The following TRIP13 variants were observed in gnomAD, a reference collection of about 807,000 sequenced individuals.
TRIP13 encodes pachytene checkpoint protein 2 homolog.
Under a neutral mutation model 54.4 loss-of-function variants are expected in TRIP13, and 25 were observed. That is an observed-to-expected ratio of 0.46 (90% confidence interval 0.33 to 0.64). The LOEUF (loss-of-function observed/expected upper bound fraction) is 0.64. TRIP13 is among the 30% of genes least tolerant of loss of function. The pLI is 0.02. For missense variants in TRIP13, 373 were observed against 534.2 expected (o/e 0.70, Z 2.97); for synonymous variants, 207 against 207.8 (o/e 1.00, Z 0.03).
rs1754142057 is a variant in TRIP13, at chr5:907,604, A to AG, written c.673-382dup. ...ATCCGCACATCCCTCTGGTGAGGTG[A>AG]GGTGGGACCAGGCACGCTGGGCACA... is the stretch of plus-strand genomic sequence containing the variant. On this transcript the variant is annotated intron_variant, in intron 7 of 12. Coordinates refer to ENST00000166345, the MANE Select transcript of TRIP13 (RefSeq NM_004237.4). The surrounding 1 kb of genome is among the most constrained non-coding windows in gnomAD (Gnocchi z 4.1). 6.6e-6 allele frequency among the ~76,000 whole-genome samples: 1 copy of AG among 152,186 alleles called. No individual in the cohort carries two copies. The highest frequency in any genetic ancestry group is 1.5e-5 in the Non-Finnish European group (1 of 68,034).
In TRIP13 at chr5:912,670, G is replaced by A. The variant is rs985775404; in HGVS notation, c.1020+674G>A. 5.9e-5 allele frequency among the ~76,000 whole-genome samples: 9 copies of A among 151,910 alleles called. No homozygotes were observed. Among genetic ancestry groups the A allele is most frequent in the East Asian group, 1.9e-4 (1 of 5,148 alleles). On this transcript the variant is annotated intron_variant, in intron 10 of 12. Transcript: ENST00000166345. This position sits in a 1 kb window ranked among gnomAD's most constrained non-coding sequence, Gnocchi z 7.2. ...GCGGTGAGTGTGAGTCAGTAAGGCC[G>A]TCGCCATGGGCACAGTGACGCGTGT...
chr5:896,542 G>T lies in TRIP13; in HGVS notation c.259-123G>T, dbSNP rs7730877. On this transcript the variant is annotated intron_variant, in intron 2 of 12. Transcript: ENST00000166345. Reference sequence around the variant, plus strand: ...ATAATAGCCTTCTCATCTAATCTGAGAACTAGCTTTGATTATACTGTACAT... The same window carrying T: ...ATAATAGCCTTCTCATCTAATCTGATAACTAGCTTTGATTATACTGTACAT... 13,445 of 1,045,102 alleles carry T rather than the reference G, an allele frequency of 0.013. 898 individuals carry two copies. The African/African-American group carries it at 0.16, about 13-fold the overall frequency. 64.7% of individuals were successfully genotyped at this position (1,045,102 alleles called of 1,614,324 possible).
At position 915,887 on chromosome 5, in the gene TRIP13, G is replaced by A. The variant is rs376078857; in HGVS notation, c.1134-17G>A. 3.1e-6 allele frequency: 5 copies of A among 1,613,844 alleles called. No individual in the cohort carries two copies. In the African/African-American group the frequency reaches 5.3e-5, roughly 17 times the overall value. The stretch of plus-strand genomic sequence containing the variant: ...TTGTATAAATTGCTGTCTCTGAACT[G>A]GGTTTTCTTTACACAGGAAGAGCGA... On this transcript the variant is annotated splice_polypyrimidine_tract_variant and intron_variant, in intron 11 of 12. Transcript: ENST00000166345. The surrounding 1 kb of genome is among the most constrained non-coding windows in gnomAD (Gnocchi z 4.2).
At position 896,852 on chromosome 5, in the gene TRIP13, T is replaced by A. The variant is rs1182491449; in HGVS notation, c.388+58T>A. ...TGAGGTCAGAGGATTGTATACTCCATGCCATGTCAGTTCACAGGGGGGGTT... is the reference window on the plus strand; with the variant it reads ...TGAGGTCAGAGGATTGTATACTCCAAGCCATGTCAGTTCACAGGGGGGGTT... On this transcript the variant is annotated intron_variant, in intron 3 of 12. Transcript: ENST00000166345. 4 of 1,545,384 alleles carry A rather than the reference T, an allele frequency of 2.6e-6. No homozygotes were observed. In the African/African-American group the frequency reaches 4.2e-5, roughly 16 times the overall value.
intron 6 of TRIP13, among the ~76,000 whole-genome samples, chr5:905,839 A>G (rs1754103470): frequency 1.3e-5 from 2 of 152,214 alleles, no homozygotes; most frequent in Admixed American, 1.3e-4. Flanking sequence ...ACATAGGGAA[A>G]TTGCTTTATT....
In TRIP13 at chr5:911,200, A is replaced by G. The variant is rs1396819831; in HGVS notation, c.867-643A>G. Among the ~76,000 whole-genome samples, 1 of 152,206 alleles carries G rather than the reference A, an allele frequency of 6.6e-6. No individual in the cohort carries two copies. Among genetic ancestry groups the G allele is most frequent in the African/African-American group, 2.4e-5 (1 of 41,460 alleles). ...CAGCTCTAGAGTATGTCTAGGGATG[A>G]TGAGTGGCCATGCCCAGGTGGTGGT... On this transcript the variant is annotated intron_variant, in intron 9 of 12. Coordinates refer to ENST00000166345, the MANE Select transcript of TRIP13 (RefSeq NM_004237.4). This position sits in a 1 kb window ranked among gnomAD's most constrained non-coding sequence, Gnocchi z 4.7.
chr5:908,171 A>C lies in TRIP13; in HGVS notation c.759+97A>C. On this transcript the variant is annotated intron_variant, in intron 8 of 12. Coordinates refer to ENST00000166345, the MANE Select transcript of TRIP13 (RefSeq NM_004237.4). The surrounding 1 kb of genome is among the most constrained non-coding windows in gnomAD (Gnocchi z 5.2). ...GATGCTCCTAGCTTTCCCCTCCTAC[A>C]GCCGGGCTGCCCTCTATCCCTCCCT... The C allele has an allele frequency of 6.7e-7, 1 of 1,482,436 alleles. No homozygotes were observed. Among genetic ancestry groups the C allele is most frequent in the Non-Finnish European group, 9.4e-7 (1 of 1,064,188 alleles). 91.8% of individuals were successfully genotyped at this position (1,482,436 alleles called of 1,614,324 possible).
Position 915,762 on chromosome 5 carries a change from C to T in TRIP13, c.1134-142C>T. 1.3e-6 allele frequency: 1 copy of T among 798,888 alleles called. No homozygotes were observed. Among genetic ancestry groups the T allele is most frequent in the East Asian group, 2.4e-5 (1 of 40,988 alleles). The allele number at this position is 798,888 out of a possible 1,614,324, so 49.5% of individuals were successfully genotyped here. Reference sequence around the variant, plus strand: ...CAAGGCTCAGGAGACCAGTGAGGGGCAGGAAGTGCCCTGTGAACCCAGGGT... The same window carrying T: ...CAAGGCTCAGGAGACCAGTGAGGGGTAGGAAGTGCCCTGTGAACCCAGGGT... On this transcript the variant is annotated intron_variant, in intron 11 of 12. Coordinates refer to ENST00000166345, the MANE Select transcript of TRIP13 (RefSeq NM_004237.4). The surrounding 1 kb of genome is among the most constrained non-coding windows in gnomAD (Gnocchi z 4.2).
In TRIP13 at chr5:911,263, C is replaced by T. The variant is rs542551983; in HGVS notation, c.867-580C>T. 8.5e-5 allele frequency among the ~76,000 whole-genome samples: 13 copies of T among 152,318 alleles called. 1 individual carries two copies. Among genetic ancestry groups the T allele is most frequent in the African/African-American group, 2.9e-4 (12 of 41,582 alleles). ...CCACGGTAGGTGGCACAATCAGGAA[C>T]GCCATGCGAAAGTGAGATCCTTGCT... On this transcript the variant is annotated intron_variant, in intron 9 of 12. Coordinates refer to ENST00000166345, the MANE Select transcript of TRIP13 (RefSeq NM_004237.4). The surrounding 1 kb of genome is among the most constrained non-coding windows in gnomAD (Gnocchi z 4.7).
chr5:901,535 A>G, intron 5 of TRIP13, 104 bp downstream of exon 5: 1 of 1,049,976 alleles, frequency 9.5e-7, no homozygotes, highest in East Asian at 2.5e-5. Context: ...TGTTTTCTGA[A>G]GGAGCCACAG....
At position 915,843 on chromosome 5, in the gene TRIP13, T is replaced by C. The variant is rs56313889; in HGVS notation, c.1134-61T>C. On this transcript the variant is annotated intron_variant, in intron 11 of 12. Transcript: ENST00000166345. This position sits in a 1 kb window ranked among gnomAD's most constrained non-coding sequence, Gnocchi z 4.2. Reference sequence around the variant, plus strand: ...GGGATGCCTCGGCCAATGAGGAAAATTAGTCCTGAAACGTGTGATTGTATA... The same window carrying C: ...GGGATGCCTCGGCCAATGAGGAAAACTAGTCCTGAAACGTGTGATTGTATA... 86,550 of 1,584,742 alleles carry C rather than the reference T, an allele frequency of 0.055. 3,113 individuals are homozygous for C. The highest frequency in any genetic ancestry group is 0.17 in the African/African-American group (12,729 of 74,356).
At position 907,008 on chromosome 5, in the gene TRIP13, A is replaced by G. The variant is rs189100522; in HGVS notation, c.609-122A>G. On this transcript the variant is annotated intron_variant, in intron 6 of 12. Transcript: ENST00000166345. The surrounding 1 kb of genome is among the most constrained non-coding windows in gnomAD (Gnocchi z 4.1). ...GGGCTGGATTCCTCAATTCTTTGTC[A>G]GTAATTGTAATTCCCCCGATGCTGG... 1.3e-3 allele frequency: 952 copies of G among 744,404 alleles called. 7 individuals carry two copies. The Middle Eastern group carries it at 0.018, about 14-fold the overall frequency. The allele number at this position is 744,404 out of a possible 1,614,324, so 46.1% of individuals were successfully genotyped here.
rs1754134817 is a variant in TRIP13 at position 907,272 on chromosome 5, C to T, written c.672+79C>T. 2 of 1,258,144 alleles carry T rather than the reference C, an allele frequency of 1.6e-6. No homozygotes were observed. The highest frequency in any genetic ancestry group is 1.9e-5 in the Admixed American group (1 of 52,812). The allele number at this position is 1,258,144 out of a possible 1,614,324, so 77.9% of individuals were successfully genotyped here. ...CTTGTATGTTAGGCAAATCCTCCTCCAGAAGCTTCAGGAGAGAACTGGGTG... is the reference window on the plus strand; with the variant it reads ...CTTGTATGTTAGGCAAATCCTCCTCTAGAAGCTTCAGGAGAGAACTGGGTG... On this transcript the variant is annotated intron_variant, in intron 7 of 12. Transcript: ENST00000166345. This position sits in a 1 kb window ranked among gnomAD's most constrained non-coding sequence, Gnocchi z 4.1.
rs754930552 is a variant in TRIP13 at position 907,483 on chromosome 5, C to T, written c.672+290C>T. ...CCCTGCCATGCATGTCCTTGGTGCT[C>T]ATGCGCCCTAGCACTGTCTGTGAGT... is the stretch of plus-strand genomic sequence containing the variant. On this transcript the variant is annotated intron_variant, in intron 7 of 12. Coordinates refer to ENST00000166345, the MANE Select transcript of TRIP13 (RefSeq NM_004237.4). This position sits in a 1 kb window ranked among gnomAD's most constrained non-coding sequence, Gnocchi z 4.1. 7.9e-5 allele frequency among the ~76,000 whole-genome samples: 12 copies of T among 152,206 alleles called. No individual in the cohort carries two copies. Among genetic ancestry groups the T allele is most frequent in the Non-Finnish European group, 1.2e-4 (8 of 68,032 alleles).
rs369710718 is a variant in TRIP13 at position 907,222 on chromosome 5, C to G, written c.672+29C>G. The G allele has an allele frequency of 1.3e-6, 2 of 1,584,958 alleles. No homozygotes were observed. The highest frequency in any genetic ancestry group is 1.7e-5 in the Admixed American group (1 of 59,820). ...AGTATTAAATATTAATTCTAATTGT[C>G]TGGATTGTATAGCTGAAAAAATGTC... On this transcript the variant is annotated intron_variant, in intron 7 of 12. Coordinates refer to ENST00000166345, the MANE Select transcript of TRIP13 (RefSeq NM_004237.4). This position sits in a 1 kb window ranked among gnomAD's most constrained non-coding sequence, Gnocchi z 4.1.
chr5:904,371 G>C (rs945108765), intron 6 of TRIP13, 151 bp downstream of exon 6: 1 of 650,866 alleles, frequency 1.5e-6, no homozygotes, highest in Non-Finnish European at 2.5e-6. Context: ...ATAGTTTTGA[G>C]TTATGATTTC....
At chr5:916,150 G>C (rs1420037823) in intron 12 of TRIP13, among the ~76,000 whole-genome samples, 177 bp downstream of exon 12, 1 of 152,222 alleles carries the variant, frequency 6.6e-6, no homozygotes, top group African/African-American at 2.4e-5. Context: ...GCTGTCTTGA[G>C]TCCTTTGGGA....
chr5:908,575 T>A lies in TRIP13; in HGVS notation c.866+114T>A. 6.5e-7 allele frequency: 1 copy of A among 1,530,390 alleles called. No individual in the cohort carries two copies. The highest frequency in any genetic ancestry group is 8.8e-7 in the Non-Finnish European group (1 of 1,136,512). 94.8% of individuals were successfully genotyped at this position (1,530,390 alleles called of 1,614,324 possible). A position where few individuals can be genotyped will look rare whatever the true frequency, so the allele number is the denominator to read the frequency against. On this transcript the variant is annotated intron_variant, in intron 9 of 12. Transcript: ENST00000166345. This position sits in a 1 kb window ranked among gnomAD's most constrained non-coding sequence, Gnocchi z 5.2. ...AGTGCCCAGCTCTTTCACCGGAAAG[T>A]GCATTTGGCATTGAGTATCGACTCC...
At chr5:900,706 G>T (rs747190270) in intron 4 of TRIP13, among the ~76,000 whole-genome samples, 157 bp downstream of exon 4, 2 of 152,188 alleles carry the variant, frequency 1.3e-5, no homozygotes, top group Non-Finnish European at 1.5e-5. Context: ...CTCTAGTATT[G>T]CTCCAGAGTA....
Sources: allele counts gnomAD v4.1 joint callset (sites outside exome capture counted in the v4.1 genomes callset), GRCh38; gene constraint gnomAD v4.1.1; non-coding constraint Gnocchi (gnomAD v3.1); transcripts MANE v1.5; gene names NCBI Gene and HGNC (gene_info 2026-07-23, HGNC 2026-07-21).